The following EPHA2 variants were observed in gnomAD, a reference collection of about 807,000 sequenced individuals.
EPHA2 encodes the protein ephrin type-A receptor 2.
In EPHA2, 54 loss-of-function variants were observed where a neutral mutation model predicts 104.9. That is an observed-to-expected ratio of 0.51 (90% CI 0.41 to 0.65). EPHA2 has a LOEUF of 0.65. EPHA2 is among the 30% of genes least tolerant of loss of function. The pLI is 0.00. For missense variants in EPHA2, 1,117 were observed against 1,369.5 expected, an observed-to-expected ratio of 0.82 and a Z score of 2.91; for synonymous variants, 560 against 559.1, an observed-to-expected ratio of 1.00 and a Z score of -0.02.
intron 3 of EPHA2, among the ~76,000 whole-genome samples, chr1:16,140,955 C>T (rs889155843): frequency 6.6e-6 from 1 of 151,794 alleles, no homozygotes; most frequent in African/African-American, 2.4e-5. Context: ...GGTCTCTTGA[C>T]CTCCTGGCCT....
chr1:16,125,335 GGAGA>G lies in EPHA2; in HGVS notation c.2826-19_2826-16del. ...TCTTGATGTCGCTGTGGGCCGGGAG[GGAGA>G]GAGGGAGAGTTAGGGGCTGGAGCAG... On this transcript the variant is annotated splice_polypyrimidine_tract_variant and intron_variant, in intron 16 of 16. Transcript: ENST00000358432. This position sits in a 1 kb window ranked among gnomAD's most constrained non-coding sequence, Gnocchi z 4.9. The G allele has an allele frequency of 6.4e-7, 1 of 1,561,502 alleles. No individual in the cohort carries two copies. The highest frequency in any genetic ancestry group is 8.7e-7 in the Non-Finnish European group (1 of 1,145,654).
chr1:16,150,810 C>G lies in EPHA2; in HGVS notation c.153+86G>C. The G allele has an allele frequency of 2.7e-6, 4 of 1,463,042 alleles. No individual in the cohort carries two copies. The highest frequency in any genetic ancestry group is 2.3e-5 in the South Asian group (2 of 87,566). The allele number at this position is 1,463,042 out of a possible 1,614,324, so 90.6% of individuals were successfully genotyped here. On this transcript the variant is annotated intron_variant, in intron 2 of 16. Coordinates refer to ENST00000358432, the MANE Select transcript of EPHA2 (RefSeq NM_004431.5). This position sits in a 1 kb window ranked among gnomAD's most constrained non-coding sequence, Gnocchi z 4.8. ...GCTGCTGAATTGAAGCCAGGCCCCA[C>G]GCTCCCTGGGCCTCAGTTTCTCCAT...
chr1:16,132,541 G>A (rs2024594646), intron 11 of EPHA2, 102 bp from the exon 12 acceptor site: 6 of 1,326,662 alleles, frequency 4.5e-6, no homozygotes, highest in Non-Finnish European at 6.5e-6. Flanking sequence ...GGAGAGGTGG[G>A]CACAGGTGTG....
rs747092407 is a variant in EPHA2 at position 16,135,229 on chromosome 1, C to T, written c.1429-40G>A. The T allele has an allele frequency of 3.7e-6, 6 of 1,611,948 alleles. No homozygotes were observed. The highest frequency in any genetic ancestry group is 3.3e-5 in the Admixed American group (2 of 59,996). On this transcript the variant is annotated intron_variant, in intron 6 of 16. Transcript: ENST00000358432. This position sits in a 1 kb window ranked among gnomAD's most constrained non-coding sequence, Gnocchi z 4.3. ...CCGGCGGAGGAGCAGGCAGTGAGGG[C>T]AGGGCAGGGGCCTCGGCTCAGCCCG...
chr1:16,133,885 CGGGGACT>C lies in EPHA2; in HGVS notation c.1706_1712del (p.Gln569ArgfsTer12). 6.5e-7 allele frequency: 1 copy of C among 1,550,082 alleles called. No homozygotes were observed. Among genetic ancestry groups the C allele is most frequent in the Non-Finnish European group, 8.7e-7 (1 of 1,146,060 alleles). ...CTGACTTGGAGAAGTAAACGTCCTC[CGGGGACT>C]GGCGGGCACGCTGGTTCTTCCTCCT... On this transcript the variant is annotated frameshift_variant, in exon 9 of 17. Coordinates refer to ENST00000358432, the MANE Select transcript of EPHA2 (RefSeq NM_004431.5). LOFTEE classifies it high-confidence loss of function.
At chr1:16,133,086 TG>T in intron 11 of EPHA2, 93 bp downstream of exon 11, 2 of 1,534,200 alleles carry the variant, frequency 1.3e-6, no homozygotes, top group Non-Finnish European at 1.8e-6. Context: ...GGGGGGAAGG[TG>T]GGCACAGGTA....
rs778328418 is a variant in EPHA2, at chr1:16,138,100, C to T, written c.1065G>A (p.Gly355=). 6.2e-7 allele frequency: 1 copy of T among 1,610,252 alleles called. No individual in the cohort carries two copies. Among genetic ancestry groups the T allele is most frequent in the South Asian group, 1.1e-5 (1 of 91,066 alleles). ...CGCTGTAGACAATGTCCTCGCGGCCCCCGCTGTCCTGAGGGGGCGTCCAGC... is the reference window on the plus strand; with the variant it reads ...CGCTGTAGACAATGTCCTCGCGGCCTCCGCTGTCCTGAGGGGGCGTCCAGC... ...ELRWTPPQDS[G]GREDIVYSVT... The change falls in exon 5 of 17, where the codon GGG becomes GGA. Residue 355 remains glycine (G), a synonymous_variant. Coordinates refer to ENST00000358432, the MANE Select transcript of EPHA2 (RefSeq NM_004431.5).
Position 16,148,472 on chromosome 1 carries a change from G to T in EPHA2, c.729C>A (p.Pro243=), listed in dbSNP as rs892036454. ...CGCCATCCACTGCACAGTGCATACG[G>T]GGCTCTTCACCCCCCGGTGGCACCA... ...HAVVPPGGEE[P]RMHCAVDGEW... is the part of the protein sequence containing the mutation. The change falls in exon 3 of 17, where the codon CCC becomes CCA. Residue 243 remains proline, a synonymous_variant. Coordinates refer to ENST00000358432, the MANE Select transcript of EPHA2 (RefSeq NM_004431.5). The surrounding 1 kb of genome is among the most constrained non-coding windows in gnomAD (Gnocchi z 4.9). 4.3e-6 allele frequency: 7 copies of T among 1,613,756 alleles called. No individual in the cohort carries two copies. In the African/African-American group the frequency reaches 8.0e-5, roughly 18 times the overall value.
chr1:16,150,303 G>GAC lies in EPHA2; in HGVS notation c.153+591_153+592dup, dbSNP rs2025010917. On this transcript the variant is annotated intron_variant, in intron 2 of 16. Transcript: ENST00000358432. The surrounding 1 kb of genome is among the most constrained non-coding windows in gnomAD (Gnocchi z 4.8). Reference sequence around the variant, plus strand: ...ACATCTTCCCCAAGATCACACAGCAGACACACACAGCCAGGGGAAGAACCC... The same window carrying GAC: ...ACATCTTCCCCAAGATCACACAGCAGACACACACACAGCCAGGGGAAGAACCC... Among the ~76,000 whole-genome samples, 1 of 152,186 alleles carries GAC rather than the reference G, an allele frequency of 6.6e-6. No individual in the cohort carries two copies. Among genetic ancestry groups the GAC allele is most frequent in the Admixed American group, 6.5e-5 (1 of 15,286 alleles).
chr1:16,153,129 G>A (rs1249797428), intron 1 of EPHA2: 2 of 871,860 alleles, frequency 2.3e-6, no homozygotes, highest in African/African-American at 5.0e-5. Flanking sequence ...ATTTCTGGGG[G>A]GAAAAAAAAA....
At chr1:16,152,865 A>G (rs1276907041) in intron 1 of EPHA2, among the ~76,000 whole-genome samples, 2 of 152,166 alleles carry the variant, frequency 1.3e-5, no homozygotes, top group African/African-American at 2.4e-5. Context: ...CCCCCCCTGC[A>G]GGGGTTTCCA....
At chr1:16,141,025 A>G (rs530021054) in intron 3 of EPHA2, among the ~76,000 whole-genome samples, 4 of 152,248 alleles carry the variant, frequency 2.6e-5, no homozygotes, top group African/African-American at 9.6e-5. Context: ...GAGCCACCTC[A>G]CCGGGCCTCC....
rs2025019921 is a variant in EPHA2 at position 16,150,830 on chromosome 1, C to T, written c.153+66G>A. The T allele has an allele frequency of 6.3e-7, 1 of 1,579,090 alleles. No individual in the cohort carries two copies. The highest frequency in any genetic ancestry group is 2.2e-5 in the East Asian group (1 of 44,606). Reference sequence around the variant, plus strand: ...CCCCACGCTCCCTGGGCCTCAGTTTCTCCATCTCTACAGGGGACCAGCAGC... The same window carrying T: ...CCCCACGCTCCCTGGGCCTCAGTTTTTCCATCTCTACAGGGGACCAGCAGC... On this transcript the variant is annotated intron_variant, in intron 2 of 16. Transcript: ENST00000358432. This position sits in a 1 kb window ranked among gnomAD's most constrained non-coding sequence, Gnocchi z 4.8.
chr1:16,137,476 T>C (rs1385057066), intron 5 of EPHA2, among the ~76,000 whole-genome samples: 1 of 151,994 alleles, frequency 6.6e-6, no homozygotes, highest in African/African-American at 2.4e-5. Flanking sequence ...CACGTGCCTG[T>C]AATCCCAGCT....
At position 16,135,525 on chromosome 1, in the gene EPHA2, A is replaced by T; in HGVS notation, c.1428+130T>A. ...GAGATGTAACCCCCTGGCAGACCCC[A>T]GGCCTCAGTTTCCCCATCTGCAGAA... On this transcript the variant is annotated intron_variant, in intron 6 of 16. Coordinates refer to ENST00000358432, the MANE Select transcript of EPHA2 (RefSeq NM_004431.5). The surrounding 1 kb of genome is among the most constrained non-coding windows in gnomAD (Gnocchi z 4.3). The T allele has an allele frequency of 1.1e-6, 1 of 900,768 alleles. No individual in the cohort carries two copies. 55.8% of individuals were successfully genotyped at this position (900,768 alleles called of 1,614,324 possible).
intron 5 of EPHA2, among the ~76,000 whole-genome samples, 200 bp downstream of exon 5, chr1:16,137,653 C>T (rs1437225720): frequency 6.6e-6 from 1 of 152,206 alleles, no homozygotes; most frequent in Admixed American, 6.5e-5. Flanking sequence ...AGATAATTTA[C>T]GAATTTGTGT....
intron 4 of EPHA2, 31 bp from the exon 5 acceptor site, chr1:16,138,216 T>C: frequency 6.2e-7 from 1 of 1,611,884 alleles, no homozygotes; most frequent in Non-Finnish European, 8.5e-7. Context: ...AGTGCTGTGC[T>C]GGACCCAGGC....
chr1:16,149,130 T>C, intron 2 of EPHA2, 83 bp from the exon 3 acceptor site: 1 of 1,457,074 alleles, frequency 6.9e-7, no homozygotes. Context: ...ACTAGGAAGA[T>C]GCTTTCCAGT....
chr1:16,126,076 G>A (rs1351709802), intron 16 of EPHA2, among the ~76,000 whole-genome samples: 1 of 152,124 alleles, frequency 6.6e-6, no homozygotes, highest in African/African-American at 2.4e-5. Flanking sequence ...TGTCCATCTG[G>A]AGGGCGAGAG....
Sources: gnomAD v4.1 joint callset for allele counts (sites outside exome capture counted in the v4.1 genomes callset) on GRCh38, gnomAD v4.1.1 for gene constraint, Gnocchi (gnomAD v3.1) non-coding constraint, MANE v1.5 for transcripts, NCBI Gene and HGNC (gene_info 2026-07-23, HGNC 2026-07-21) for gene names.